PHLPP1: variants seen among roughly 807,000 people sequenced by gnomAD.
PHLPP1 encodes the protein PH domain leucine-rich repeat-containing protein phosphatase 1.
A neutral mutation model predicts 117.2 loss-of-function variants in PHLPP1; 42 were observed. That is an observed-to-expected ratio of 0.36 (90% CI 0.28 to 0.46). The LOEUF (loss-of-function observed/expected upper bound fraction) is 0.46. Ranked by LOEUF, PHLPP1 falls within the 20% of genes least tolerant of loss-of-function variation. The pLI is 1.00. For missense variants in PHLPP1, 2,084 were observed against 2,241.9 expected, an observed-to-expected ratio of 0.93 and a Z score of 1.42; for synonymous variants, 1,042 against 970.7, an observed-to-expected ratio of 1.07 and a Z score of -1.37.
chr18:62,869,264 C>A (rs139242057), intron 4 of PHLPP1, among the ~76,000 whole-genome samples: 3 of 152,066 alleles, frequency 2.0e-5, no homozygotes, highest in African/African-American at 7.2e-5. Flanking sequence ...GACTCTGGTT[C>A]GTTTTCTTCC....
intron 11 of PHLPP1, 129 bp from the exon 12 acceptor site, chr18:62,944,980 G>GA (rs1910235196): frequency 1.5e-6 from 1 of 660,646 alleles, no homozygotes; most frequent in Non-Finnish European, 2.4e-6. Flanking sequence ...AAATGATAGT[G>GA]AAAAAATGGT....
In PHLPP1 at chr18:62,979,088, C is replaced by T. The variant is rs746578945; in HGVS notation, c.4811C>T (p.Pro1604Leu). The part of the protein sequence containing the change: ...GIVISANEDE[P>L]GLPRKADFSA... ...GTCATCAGCGCCAACGAGGATGAGC[C>T]AGGTCTGCCCAGGAAGGCAGACTTC... is the stretch of plus-strand genomic sequence containing the variant. Residue 1604 changes from proline (P) to leucine (L), a missense_variant, in exon 17 of 17, where the codon CCA (proline) becomes CTA (leucine). By Grantham distance (98) the Pro-to-Leu change is moderately conservative. Transcript: ENST00000262719. 6.2e-7 allele frequency: 1 copy of T among 1,613,736 alleles called. No homozygotes were observed. The highest frequency in any genetic ancestry group is 8.5e-7 in the Non-Finnish European group (1 of 1,179,834).
intron 1 of PHLPP1, among the ~76,000 whole-genome samples, chr18:62,755,986 C>CG (rs944839439): frequency 6.8e-6 from 1 of 146,590 alleles, no homozygotes; most frequent in Non-Finnish European, 1.5e-5. Flanking sequence ...TTTTGTTCCC[C>CG]CCCCCCTTCA....
chr18:62,791,893 C>T (rs1415338671), intron 1 of PHLPP1, among the ~76,000 whole-genome samples: 4 of 151,672 alleles, frequency 2.6e-5, no homozygotes, highest in African/African-American at 9.7e-5. Context: ...AAATTGGATT[C>T]GTACCCATTT....
chr18:62,772,722 T>C (rs982542902), intron 1 of PHLPP1, among the ~76,000 whole-genome samples: 3 of 150,434 alleles, frequency 2.0e-5, no homozygotes, highest in Admixed American at 2.0e-4. Context: ...TACCAGCTAC[T>C]TGGGGGGCTG....
chr18:62,945,688 A>G (rs927428127), intron 12 of PHLPP1, among the ~76,000 whole-genome samples: 1 of 152,252 alleles, frequency 6.6e-6, no homozygotes, highest in Non-Finnish European at 1.5e-5. Context: ...ACCCAGTTAA[A>G]TAGCACACCC....
chr18:62,963,125 T>C (rs1910812955), intron 13 of PHLPP1, among the ~76,000 whole-genome samples: 2 of 152,262 alleles, frequency 1.3e-5, no homozygotes, highest in Non-Finnish European at 2.9e-5. Context: ...TGAAAGTCTC[T>C]AATAGCTGCT....
chr18:62,872,799 C>T (rs1413776992), intron 4 of PHLPP1, among the ~76,000 whole-genome samples: 1 of 151,672 alleles, frequency 6.6e-6, no homozygotes, highest in Admixed American at 6.6e-5. Context: ...CCAGCCTGGC[C>T]AACATGGTAA....
At chr18:62,824,186 C>T (rs1407202404) in intron 1 of PHLPP1, 5 of 455,726 alleles carry the variant, frequency 1.1e-5, no homozygotes, top group Admixed American at 9.4e-5. Flanking sequence ...ACTCTCTGCA[C>T]TGGTGCTGGG....
chr18:62,756,684 C>T (rs529005800), intron 1 of PHLPP1, among the ~76,000 whole-genome samples: 3 of 152,242 alleles, frequency 2.0e-5, no homozygotes, highest in East Asian at 1.9e-4. Flanking sequence ...TAGGAAGAAA[C>T]GGATACTTTT....
chr18:62,800,009 C>T (rs1054150762), intron 1 of PHLPP1, among the ~76,000 whole-genome samples: 14 of 152,140 alleles, frequency 9.2e-5, no homozygotes, highest in African/African-American at 2.4e-4. Context: ...TAACCCACAC[C>T]CCAAAGGGAT....
At chr18:62,730,391 C>T (rs1476868015) in intron 1 of PHLPP1, among the ~76,000 whole-genome samples, 2 of 152,104 alleles carry the variant, frequency 1.3e-5, no homozygotes, top group African/African-American at 4.8e-5. Context: ...GCTGCTCTTC[C>T]TTGGGGTGGA....
Position 62,762,745 on chromosome 18 carries a change from G to A in PHLPP1, c.1576+45486G>A, listed in dbSNP as rs527459539. Among the ~76,000 whole-genome samples the A allele has an allele frequency of 1.2e-4, 18 of 152,098 alleles. No individual in the cohort carries two copies. In the South Asian group the frequency reaches 3.3e-3, roughly 28 times the overall value. On this transcript the variant is annotated intron_variant, in intron 1 of 16. Transcript: ENST00000262719. ...CTTGATTTTACGTGATTTTCATGTA[G>A]ATTTATGCTTTGAATTTAAATTTTA...
chr18:62,777,348 T>C (rs780206961), intron 1 of PHLPP1, among the ~76,000 whole-genome samples: 18 of 152,280 alleles, frequency 1.2e-4, no homozygotes, highest in African/African-American at 1.7e-4. Context: ...ATTTATGAGA[T>C]GTGAGTTTAG....
chr18:62,825,069 C>T (rs915342365), intron 1 of PHLPP1, among the ~76,000 whole-genome samples: 1 of 151,892 alleles, frequency 6.6e-6, no homozygotes, highest in Non-Finnish European at 1.5e-5. Flanking sequence ...AGTGATTGTC[C>T]TCCCTCAGTC....
chr18:62,961,752 ATTGTAAAACAAGGTATTAACTTGAT>A (rs1910776296), intron 13 of PHLPP1, among the ~76,000 whole-genome samples: 1 of 152,210 alleles, frequency 6.6e-6, no homozygotes. Context: ...CTCCAGCCTT[ATTGTAAAACAAGGTATTAACTTGAT>A]TTGGGGATTT....
At chr18:62,827,134 C>A (rs541805852) in intron 1 of PHLPP1, among the ~76,000 whole-genome samples, 1 of 152,166 alleles carries the variant, frequency 6.6e-6, no homozygotes. Flanking sequence ...CTACTATGTG[C>A]CAAGTGCGTA....
intron 4 of PHLPP1, among the ~76,000 whole-genome samples, chr18:62,868,743 A>G (rs1216940348): frequency 6.6e-6 from 1 of 152,176 alleles, no homozygotes; most frequent in Non-Finnish European, 1.5e-5. Context: ...TCCCAAACCT[A>G]TCATTGATCA....
chr18:62,974,975 C>G (rs891765716), intron 15 of PHLPP1, among the ~76,000 whole-genome samples: 2 of 152,162 alleles, frequency 1.3e-5, no homozygotes, highest in African/African-American at 4.8e-5. Flanking sequence ...CTCTTACATA[C>G]ATGGTTTTTT....
Sources: allele counts gnomAD v4.1 joint callset (sites outside exome capture counted in the v4.1 genomes callset), GRCh38; gene constraint gnomAD v4.1.1; transcripts MANE v1.5; gene names NCBI Gene and HGNC (gene_info 2026-07-23, HGNC 2026-07-21).